Variants in C8A observed in about 807,000 individuals in gnomAD.
The protein encoded by C8A is complement C8 alpha chain.
Under a neutral mutation model 65.3 loss-of-function variants are expected in C8A, and 67 were observed. That is an observed-to-expected ratio of 1.03 (90% CI 0.84 to 1.26). C8A has a LOEUF of 1.26. C8A is among the 50% of genes most tolerant of loss of function. The pLI, the probability that C8A is intolerant of heterozygous loss-of-function variation, is 0.00. For missense variants in C8A, 781 were observed against 723.9 expected (o/e 1.08, Z -0.90); for synonymous variants, 290 against 259.4 (o/e 1.12, Z -1.13).
intron 4 of C8A, among the ~76,000 whole-genome samples, chr1:56,876,735 T>G (rs1414482697): frequency 6.6e-6 from 1 of 152,084 alleles, no homozygotes; most frequent in Non-Finnish European, 1.5e-5. Flanking sequence ...CTTTATCTGT[T>G]GAGATGAAAT....
intron 1 of C8A, among the ~76,000 whole-genome samples, chr1:56,855,464 G>T (rs1643964654): frequency 6.6e-6 from 1 of 152,124 alleles, no homozygotes; most frequent in East Asian, 1.9e-4. Context: ...ATTAGATAAT[G>T]TGTTCAAAAT....
At chr1:56,876,338 A>C (rs1644198968) in intron 4 of C8A, 129 bp downstream of exon 4, 1 of 1,086,650 alleles carries the variant, frequency 9.2e-7, no homozygotes. Context: ...AGCTGCTCTC[A>C]TTGTCCCCAG....
chr1:56,876,175 G>C lies in C8A; in HGVS notation c.430G>C (p.Glu144Gln). The change falls in exon 4 of 11, where the codon GAA (glutamate) becomes CAA (glutamine). Residue 144 changes from glutamate to glutamine, a missense_variant. By Grantham distance (29) the Glu-to-Gln change is conservative (BLOSUM62 2). Coordinates refer to ENST00000361249, the MANE Select transcript of C8A (RefSeq NM_000562.3). ...CATTGACGAAGACTGCAGCCAGTAT[G>C]AACCAATTCCAGGATCACAGAAGGC... ...RAIDEDCSQY[E>Q]PIPGSQKAAL... 6.2e-7 allele frequency: 1 copy of C among 1,613,880 alleles called. No homozygotes were observed. Among genetic ancestry groups the C allele is most frequent in the Non-Finnish European group, 8.5e-7 (1 of 1,179,868 alleles).
At position 56,874,960 on chromosome 1, in the gene C8A, G is replaced by C. The variant is rs1369158231; in HGVS notation, c.183G>C (p.Arg61=). Residue 61 remains arginine (R), a synonymous_variant, in exon 3 of 11, where the codon CGG becomes CGC. Transcript: ENST00000361249. ...AAAATCTGGTTTAGTACCGACACCG[G>C]AGCCTCTTGCAGCCAAACAAGTTTG... ...FPCQDKKYRH[R]SLLQPNKFGG... 1.2e-6 allele frequency: 2 copies of C among 1,613,690 alleles called. No homozygotes were observed. Among genetic ancestry groups the C allele is most frequent in the East Asian group, 2.2e-5 (1 of 44,842 alleles).
intron 1 of C8A, among the ~76,000 whole-genome samples, chr1:56,862,156 C>T (rs1644040579): frequency 6.6e-6 from 1 of 152,102 alleles, no homozygotes; most frequent in South Asian, 2.1e-4. Flanking sequence ...AACATGTATG[C>T]CAGGCTTGTG....
At chr1:56,873,866 A>G (rs144790187) in intron 2 of C8A, among the ~76,000 whole-genome samples, 163 of 152,232 alleles carry the variant, frequency 1.1e-3, no homozygotes, top group African/African-American at 3.7e-3. Context: ...CAGGGATAGA[A>G]CCTCATGTTT....
chr1:56,914,310 T>C (rs1346922164), intron 10 of C8A, among the ~76,000 whole-genome samples: 1 of 152,018 alleles, frequency 6.6e-6, no homozygotes, highest in Non-Finnish European at 1.5e-5. Context: ...GGGGGATAGA[T>C]GACCACTTTT....
chr1:56,902,686 C>T (rs1037668246), intron 7 of C8A, among the ~76,000 whole-genome samples: 2 of 152,080 alleles, frequency 1.3e-5, no homozygotes, highest in Admixed American at 1.3e-4. Context: ...CCATGATACC[C>T]TTTGATTCTA....
chr1:56,857,807 G>C (rs897409643), intron 1 of C8A, among the ~76,000 whole-genome samples: 6 of 151,622 alleles, frequency 4.0e-5, no homozygotes, highest in African/African-American at 1.5e-4. Context: ...GAAAATTTTT[G>C]CCATGATTCA....
chr1:56,916,173 G>A (rs542299585), intron 10 of C8A, among the ~76,000 whole-genome samples: 20 of 152,314 alleles, frequency 1.3e-4, no homozygotes, highest in Admixed American at 1.3e-3. Flanking sequence ...ATTACGTAAT[G>A]ATCTGCAGGG....
At position 56,917,540 on chromosome 1, in the gene C8A, C is replaced by T. The variant is rs1300692906; in HGVS notation, c.1604-25C>T. The T allele has an allele frequency of 2.5e-6, 4 of 1,613,952 alleles. No individual in the cohort carries two copies. In the African/African-American group the frequency reaches 4.0e-5, roughly 16 times the overall value. ...CTTCTTAGCCATATGCTAACCTTCT[C>T]CTCCCTGGGAAATTTCCTCTGCAGG... is the stretch of plus-strand genomic sequence containing the variant. On this transcript the variant is annotated intron_variant, in intron 10 of 10. Transcript: ENST00000361249.
chr1:56,862,543 C>T (rs1455947735), intron 1 of C8A, among the ~76,000 whole-genome samples: 1 of 152,186 alleles, frequency 6.6e-6, no homozygotes, highest in Non-Finnish European at 1.5e-5. Flanking sequence ...TCCTCTTCCT[C>T]CCCGACCCCA....
intron 4 of C8A, among the ~76,000 whole-genome samples, chr1:56,878,848 A>G (rs1192000344): frequency 6.6e-6 from 1 of 152,196 alleles, no homozygotes; most frequent in Non-Finnish European, 1.5e-5. Context: ...ATTATATAGA[A>G]AATATACCTA....
chr1:56,871,736 T>G (rs2101209560), intron 2 of C8A, among the ~76,000 whole-genome samples: 1 of 152,308 alleles, frequency 6.6e-6, no homozygotes, highest in Admixed American at 6.5e-5. Context: ...ACTCAGTACA[T>G]GGTAGCCACC....
intron 4 of C8A, 34 bp from the exon 5 acceptor site, chr1:56,881,411 A>G: frequency 1.2e-6 from 2 of 1,609,866 alleles, no homozygotes; most frequent in Non-Finnish European, 1.7e-6. Flanking sequence ...CCCAGCATCC[A>G]CTAGCTATTT....
chr1:56,898,963 C>T (rs1211213484), intron 7 of C8A, among the ~76,000 whole-genome samples: 1 of 152,114 alleles, frequency 6.6e-6, no homozygotes, highest in Non-Finnish European at 1.5e-5. Flanking sequence ...TGGGACAGCC[C>T]AGCAGGTCTT....
Position 56,881,517 on chromosome 1 carries a change from G to A in C8A, c.537G>A (p.Thr179=), listed in dbSNP as rs751528659. Residue 179 remains threonine, a synonymous_variant, in exon 5 of 11, where the codon ACG becomes ACA. Coordinates refer to ENST00000361249, the MANE Select transcript of C8A (RefSeq NM_000562.3). ...DASYYGGQCE[T]VYNGEWRELR... The stretch of plus-strand genomic sequence containing the variant: ...GTTATTATGGGGGCCAGTGTGAGAC[G>A]GTATACAATGGGGAATGGAGGGAGC... 27 of 1,613,608 alleles carry A rather than the reference G, an allele frequency of 1.7e-5. No individual in the cohort carries two copies. In the Middle Eastern group the frequency reaches 1.8e-3, roughly 108 times the overall value.
intron 9 of C8A, 26 bp from the exon 10 acceptor site, chr1:56,912,377 G>A: frequency 6.2e-7 from 1 of 1,603,792 alleles, no homozygotes; most frequent in African/African-American, 1.3e-5. Context: ...CCAGGGAGGG[G>A]CCCTGTGTTC....
intron 2 of C8A, among the ~76,000 whole-genome samples, chr1:56,870,266 A>G (rs1302263694): frequency 1.3e-5 from 2 of 152,112 alleles, no homozygotes; most frequent in African/African-American, 4.8e-5. Flanking sequence ...GGACTCTGTT[A>G]CTAGGTTGGT....
Sources: allele counts gnomAD v4.1 joint callset (sites outside exome capture counted in the v4.1 genomes callset), GRCh38; gene constraint gnomAD v4.1.1; transcripts MANE v1.5; gene names NCBI Gene and HGNC (gene_info 2026-07-23, HGNC 2026-07-21).